Variants in SUSD1 observed in about 807,000 individuals in gnomAD.
The protein encoded by SUSD1 is sushi domain-containing protein 1.
A neutral mutation model predicts 86.9 loss-of-function variants in SUSD1; 65 were observed. The ratio of observed to expected loss-of-function variants is 0.75; its 90% CI spans 0.61 to 0.92. The LOEUF is 0.92. SUSD1 is among the 40% of genes least tolerant of loss of function. The probability of loss-of-function intolerance (pLI) is 0.00; values close to 1 mark genes in which losing one functional copy is unlikely to be tolerated. For synonymous variants in SUSD1, 346 were observed against 350.0 expected (o/e 0.99, Z 0.13); for missense variants, 850 against 929.7 (o/e 0.91, Z 1.11).
intron 10 of SUSD1, among the ~76,000 whole-genome samples, chr9:112,084,205 G>T (rs1297197673): frequency 6.6e-6 from 1 of 152,026 alleles, no homozygotes; most frequent in Non-Finnish European, 1.5e-5. Context: ...CAGTAGCATT[G>T]TCTGTAATGA....
intron 1 of SUSD1, among the ~76,000 whole-genome samples, chr9:112,164,441 G>T (rs1833693831): frequency 6.6e-6 from 1 of 151,968 alleles, no homozygotes. Flanking sequence ...AATCACCTCG[G>T]GAGGCTGAGG....
intron 12 of SUSD1, among the ~76,000 whole-genome samples, chr9:112,069,577 G>A (rs770933333): frequency 3.9e-5 from 6 of 152,236 alleles, no homozygotes; most frequent in Non-Finnish European, 5.9e-5. Flanking sequence ...CACTTGTGAC[G>A]TTTTGTTGTC....
At chr9:112,165,961 G>GAAAGAAAGA (rs1314553340) in intron 1 of SUSD1, among the ~76,000 whole-genome samples, 1 of 150,036 alleles carries the variant, frequency 6.7e-6, no homozygotes, top group Non-Finnish European at 1.5e-5. Flanking sequence ...AAGAAAGAAA[G>GAAAGAAAGA]AAAGAAAGAA....
intron 12 of SUSD1, among the ~76,000 whole-genome samples, chr9:112,076,655 T>C (rs1829528511): frequency 6.6e-6 from 1 of 152,106 alleles, no homozygotes; most frequent in South Asian, 2.1e-4. Flanking sequence ...TCTTTGGAAA[T>C]CCTCTGCATA....
intron 15 of SUSD1, among the ~76,000 whole-genome samples, chr9:112,051,408 C>CTTTTTTT (rs746946192): frequency 7.5e-4 from 58 of 77,016 alleles, no homozygotes; most frequent in East Asian, 1.9e-3. Flanking sequence ...TTTTTCTTTT[C>CTTTTTTT]TTTTTTTTTT....
At chr9:112,142,600 CCCG>C in intron 4 of SUSD1, 101 bp from the exon 5 acceptor site, 2 of 1,122,106 alleles carry the variant, frequency 1.8e-6, no homozygotes, top group Non-Finnish European at 2.5e-6. Flanking sequence ...CACACACACC[CCCG>C]AGCCATATTT....
At chr9:112,135,232 C>G (rs889707454) in intron 5 of SUSD1, among the ~76,000 whole-genome samples, 3 of 152,156 alleles carry the variant, frequency 2.0e-5, no homozygotes, top group Non-Finnish European at 4.4e-5. Flanking sequence ...AAACAGATTA[C>G]TTTTTGATGC....
intron 12 of SUSD1, among the ~76,000 whole-genome samples, chr9:112,072,377 C>G (rs984221513): frequency 1.3e-5 from 2 of 151,752 alleles, no homozygotes; most frequent in Non-Finnish European, 2.9e-5. Flanking sequence ...TCGAACTCAC[C>G]CACCTCAGCT....
intron 13 of SUSD1, among the ~76,000 whole-genome samples, chr9:112,062,179 C>G (rs1259288852): frequency 1.3e-5 from 2 of 152,068 alleles, no homozygotes; most frequent in African/African-American, 4.8e-5. Context: ...CACTGCACAC[C>G]CCCCAAGATC....
rs985704566 is a variant in SUSD1 at position 112,042,252 on chromosome 9, G to T, written c.2150-292C>A. The T allele has an allele frequency of 2.5e-6, 3 of 1,187,234 alleles. No homozygotes were observed. The East Asian group carries it at 7.7e-5, about 31-fold the overall frequency. The allele number at this position is 1,187,234 out of a possible 1,614,324, so 73.5% of individuals were successfully genotyped here. A position where few individuals can be genotyped will look rare whatever the true frequency, so the allele number is the denominator to read the frequency against. On this transcript the variant is annotated intron_variant, in intron 15 of 16. Transcript: ENST00000374270. Reference sequence around the variant, plus strand: ...GTTGAGCACACAAATACTATGCAACGTGTTACATTTTTTGTTGGTCCTCTC... The same window carrying T: ...GTTGAGCACACAAATACTATGCAACTTGTTACATTTTTTGTTGGTCCTCTC...
chr9:112,127,769 C>A (rs1831841289), intron 5 of SUSD1, among the ~76,000 whole-genome samples: 1 of 152,130 alleles, frequency 6.6e-6, no homozygotes, highest in African/African-American at 2.4e-5. Flanking sequence ...ATAATAATAA[C>A]AATTATTATT....
At chr9:112,078,811 C>CA in intron 11 of SUSD1, 87 bp from the exon 12 acceptor site, 17 of 640,360 alleles carry the variant, frequency 2.7e-5, no homozygotes, top group Non-Finnish European at 3.7e-5. Context: ...TTTTCTTTCT[C>CA]TTTTTTTTTT....
rs938686504 is a variant in SUSD1 at position 112,103,092 on chromosome 9, G to A, written c.1172-807C>T. On this transcript the variant is annotated intron_variant, in intron 8 of 16. Coordinates refer to ENST00000374270, the MANE Select transcript of SUSD1 (RefSeq NM_022486.5). The stretch of plus-strand genomic sequence containing the variant: ...CATGTTTTCTACCAATGAGAAAGGT[G>A]TAAATGTCTACCAGAGAGAAGCTAT... 15 of 437,224 alleles carry A rather than the reference G, an allele frequency of 3.4e-5. No individual in the cohort carries two copies. In the East Asian group the frequency reaches 1.0e-3, roughly 29 times the overall value. 27.1% of individuals were successfully genotyped at this position (437,224 alleles called of 1,614,324 possible). A position where few individuals can be genotyped will look rare whatever the true frequency, so the allele number is the denominator to read the frequency against.
intron 13 of SUSD1, 23 bp from the exon 14 acceptor site, chr9:112,058,709 T>C (rs771567937): frequency 6.2e-7 from 1 of 1,612,500 alleles, no homozygotes; most frequent in Admixed American, 1.7e-5. Context: ...AGGAGAAGTG[T>C]CCATCAGACC....
Position 112,142,505 on chromosome 9 carries a change from A to G in SUSD1, c.527-6T>C. 1 of 1,604,328 alleles carries G rather than the reference A, an allele frequency of 6.2e-7. No individual in the cohort carries two copies. Among genetic ancestry groups the G allele is most frequent in the Non-Finnish European group, 8.5e-7 (1 of 1,177,712 alleles). On this transcript the variant is annotated splice_polypyrimidine_tract_variant and splice_region_variant and intron_variant, in intron 4 of 16. Transcript: ENST00000374270. ...AGGGGTACCACAGTCTATTTCTGAA[A>G]ATAAATTAATGTCAAATTCATTACC...
intron 10 of SUSD1, among the ~76,000 whole-genome samples, chr9:112,090,111 TAAAC>T (rs972243858): frequency 4.6e-5 from 7 of 150,580 alleles, no homozygotes; most frequent in African/African-American, 1.7e-4. Context: ...ACTAATAAAA[TAAAC>T]AAACCACTTA....
At chr9:112,142,795 C>T (rs10981276) in intron 4 of SUSD1, among the ~76,000 whole-genome samples, 1 of 151,980 alleles carries the variant, frequency 6.6e-6, no homozygotes, top group Non-Finnish European at 1.5e-5. Context: ...AATAAAAAAT[C>T]TGAATTGCAA....
intron 15 of SUSD1, among the ~76,000 whole-genome samples, chr9:112,043,781 A>G (rs1311870513): frequency 6.6e-6 from 1 of 152,022 alleles, no homozygotes; most frequent in African/African-American, 2.4e-5. Context: ...TAGATTACTT[A>G]TTTTGTTTTA....
At chr9:112,132,950 A>G (rs138847611) in intron 5 of SUSD1, among the ~76,000 whole-genome samples, 24 of 152,252 alleles carry the variant, frequency 1.6e-4, no homozygotes, top group African/African-American at 5.5e-4. Flanking sequence ...ATGTCTCAAT[A>G]TCTAGCAAGT....
Sources: gnomAD v4.1 joint callset for allele counts (sites outside exome capture counted in the v4.1 genomes callset) on GRCh38, gnomAD v4.1.1 for gene constraint, MANE v1.5 for transcripts, NCBI Gene and HGNC (gene_info 2026-07-23, HGNC 2026-07-21) for gene names.